The following ANXA8 variants were observed in gnomAD, a reference collection of about 807,000 sequenced individuals.
The protein encoded by ANXA8 is annexin A8.
ANXA8 carries 9 observed loss-of-function variants against 26.8 expected under a neutral mutation model. That is an observed-to-expected ratio of 0.34 (90% confidence interval 0.20 to 0.59). The LOEUF is 0.59. ANXA8 is among the 20% of genes least tolerant of loss of function. ANXA8 has a pLI of 0.84. For missense variants in ANXA8, 83 were observed against 238.5 expected (o/e 0.35, Z 4.29); for synonymous variants, 39 against 94.8 (o/e 0.41, Z 3.42).
chr10:47,717,996 T>TGAA, the ANXA8 span, among the ~76,000 whole-genome samples: 1 of 26,690 alleles, frequency 3.7e-5, no homozygotes, highest in African/African-American at 1.5e-4. Context: ...ATACTCTGTC[T>TGAA]CAAAAAAAAA....
At chr10:47,894,787 CCACA>C in the ANXA8 span, among the ~76,000 whole-genome samples, 2 of 152,272 alleles carry the variant, frequency 1.3e-5, no homozygotes, top group Non-Finnish European at 2.9e-5. Flanking sequence ...TCACAGCACA[CCACA>C]CACACACCAC....
At chr10:47,970,153 C>T in the ANXA8 span, 4 of 151,232 alleles carry the variant, frequency 2.6e-5, no homozygotes, top group Non-Finnish European at 5.9e-5. Context: ...GTTAACACTC[C>T]CTCCCTCACT....
chr10:47,871,526 C>G, the ANXA8 span, among the ~76,000 whole-genome samples: 1 of 149,482 alleles, frequency 6.7e-6, no homozygotes, highest in African/African-American at 2.4e-5. Context: ...TCTTAACATC[C>G]CGAGAGGATG....
At chr10:47,663,954 A>T in the ANXA8 span, among the ~76,000 whole-genome samples, 1 of 148,284 alleles carries the variant, frequency 6.7e-6, no homozygotes, top group East Asian at 1.9e-4. Flanking sequence ...AAGGGATCAA[A>T]TTTTTTTTTA....
the ANXA8 span, among the ~76,000 whole-genome samples, chr10:47,761,100 A>ATG: frequency 4.1e-4 from 29 of 71,228 alleles, no homozygotes; most frequent in Admixed American, 6.1e-4. Context: ...ACACACACAC[A>ATG]CGCACACACA....
the ANXA8 span, among the ~76,000 whole-genome samples, chr10:47,628,178 G>C: frequency 3.3e-5 from 5 of 150,686 alleles, no homozygotes; most frequent in African/African-American, 1.2e-4. Context: ...AGTGGGGACA[G>C]AAGTACAATT....
the ANXA8 span, among the ~76,000 whole-genome samples, chr10:47,587,071 G>C: frequency 6.8e-6 from 1 of 147,308 alleles, no homozygotes; most frequent in Non-Finnish European, 1.5e-5. Flanking sequence ...TGGGCACGGT[G>C]GTGTGTGCCT....
the ANXA8 span, among the ~76,000 whole-genome samples, chr10:47,775,784 C>T: frequency 2.7e-5 from 4 of 146,882 alleles, no homozygotes; most frequent in East Asian, 8.1e-4. Context: ...AGCAGGTGGC[C>T]CTATTTTAGA....
At chr10:47,637,239 A>G in the ANXA8 span, among the ~76,000 whole-genome samples, 2 of 145,808 alleles carry the variant, frequency 1.4e-5, no homozygotes, top group Admixed American at 6.8e-5. Context: ...ATAAACAATC[A>G]TAGAATGGAA....
At chr10:47,692,961 C>T in the ANXA8 span, among the ~76,000 whole-genome samples, 1 of 151,492 alleles carries the variant, frequency 6.6e-6, no homozygotes, top group South Asian at 2.1e-4. Context: ...TTTCGAACTC[C>T]TGTCCTCAGG....
the ANXA8 span, among the ~76,000 whole-genome samples, chr10:47,678,627 A>G: frequency 6.6e-6 from 1 of 151,932 alleles, no homozygotes; most frequent in Non-Finnish European, 1.5e-5. Context: ...AAAGAGAAAA[A>G]AAATACTAGA....
chr10:47,491,760 C>G, the ANXA8 span: 1 of 1,542,990 alleles, frequency 6.5e-7, no homozygotes, highest in Non-Finnish European at 8.8e-7. Context: ...TATCTAGGCT[C>G]TGGGGCAATA....
chr10:47,960,486 G>A, the ANXA8 span, among the ~76,000 whole-genome samples: 1 of 149,406 alleles, frequency 6.7e-6, no homozygotes, highest in Non-Finnish European at 1.5e-5. Flanking sequence ...AAACACCTTG[G>A]GGGAACTCTC....
the ANXA8 span, among the ~76,000 whole-genome samples, chr10:47,536,514 CT>C: frequency 1.0e-4 from 12 of 119,600 alleles, no homozygotes; most frequent in Admixed American, 8.3e-4. Flanking sequence ...CCCTGACATA[CT>C]GGTAGTTTGT....
At chr10:47,982,827 T>TATATATAA in the ANXA8 span, among the ~76,000 whole-genome samples, 1 of 70,760 alleles carries the variant, frequency 1.4e-5, no homozygotes, top group Non-Finnish European at 2.9e-5. Context: ...TATATATATA[T>TATATATAA]ATATATAAAA....
chr10:47,639,270 C>T, the ANXA8 span, among the ~76,000 whole-genome samples: 9 of 146,898 alleles, frequency 6.1e-5, no homozygotes, highest in Non-Finnish European at 1.0e-4. Context: ...GCAGCTGGGA[C>T]CACAGGCGCC....
chr10:47,894,810 AAC>A, the ANXA8 span, among the ~76,000 whole-genome samples: 75 of 152,332 alleles, frequency 4.9e-4, no homozygotes, highest in African/African-American at 1.7e-3. Flanking sequence ...ACATACACAT[AAC>A]ACACAGCATA....
the ANXA8 span, among the ~76,000 whole-genome samples, chr10:47,680,645 A>AG: frequency 6.6e-6 from 1 of 152,260 alleles, no homozygotes; most frequent in East Asian, 1.9e-4. Context: ...AAAAAAAAAA[A>AG]AATCAAATTG....
the ANXA8 span, among the ~76,000 whole-genome samples, chr10:47,943,970 C>A: frequency 4.1e-3 from 608 of 147,944 alleles, 6 homozygotes; most frequent in Non-Finnish European, 4.7e-3. Context: ...ACCTGCAGCC[C>A]CTGGGGCAGA....
Sources: gnomAD v4.1 joint callset for allele counts (sites outside exome capture counted in the v4.1 genomes callset) on GRCh38, gnomAD v4.1.1 for gene constraint, MANE v1.5 for transcripts, NCBI Gene and HGNC (gene_info 2026-07-23, HGNC 2026-07-21) for gene names.